Variants in NSMCE2 observed in about 807,000 individuals in gnomAD.
The protein encoded by NSMCE2 is E3 SUMO-protein ligase NSE2.
Under a neutral mutation model 23.8 loss-of-function variants are expected in NSMCE2, and 24 were observed. The ratio of observed to expected loss-of-function variants is 1.01; its 90% CI spans 0.73 to 1.42. NSMCE2 has a LOEUF of 1.42. NSMCE2 is among the 40% of genes most tolerant of loss of function. The probability of loss-of-function intolerance (pLI) is 0.00; values close to 1 mark genes in which losing one functional copy is unlikely to be tolerated. For synonymous variants in NSMCE2, 92 were observed against 94.1 expected (o/e 0.98, Z 0.13); for missense variants, 284 against 296.5 (o/e 0.96, Z 0.31).
intron 5 of NSMCE2, among the ~76,000 whole-genome samples, chr8:125,280,933 C>G (rs1827665620): frequency 6.6e-6 from 1 of 152,226 alleles, no homozygotes; most frequent in African/African-American, 2.4e-5. Context: ...TCCCTGCCTG[C>G]TGCCCTACAA....
chr8:125,096,266 G>A (rs1024505614), intron 1 of NSMCE2, among the ~76,000 whole-genome samples: 18 of 152,176 alleles, frequency 1.2e-4, no homozygotes, highest in African/African-American at 3.6e-4. Context: ...AAGGAAGGCT[G>A]GAAAATGTGG....
At chr8:125,093,697 T>C (rs1005529593) in intron 1 of NSMCE2, among the ~76,000 whole-genome samples, 3 of 152,070 alleles carry the variant, frequency 2.0e-5, no homozygotes, top group Admixed American at 1.3e-4. Flanking sequence ...CACTCCAGTT[T>C]GGGCGACAGA....
At chr8:125,119,561 A>G (rs1819172686) in intron 3 of NSMCE2, among the ~76,000 whole-genome samples, 1 of 152,220 alleles carries the variant, frequency 6.6e-6, no homozygotes, top group Non-Finnish European at 1.5e-5. Context: ...ACTCAATCAG[A>G]TTAAAATTAG....
intron 5 of NSMCE2, among the ~76,000 whole-genome samples, chr8:125,229,815 T>C (rs1294837510): frequency 6.6e-6 from 1 of 152,178 alleles, no homozygotes; most frequent in Non-Finnish European, 1.5e-5. Flanking sequence ...TGATGACTTA[T>C]CATTTGATAA....
At chr8:125,245,533 G>A (rs1825923584) in intron 5 of NSMCE2, among the ~76,000 whole-genome samples, 1 of 151,950 alleles carries the variant, frequency 6.6e-6, no homozygotes, top group Non-Finnish European at 1.5e-5. Context: ...CAAAATTAGA[G>A]GAAAATTGTT....
intron 5 of NSMCE2, among the ~76,000 whole-genome samples, chr8:125,189,695 C>A (rs995341527): frequency 5.3e-5 from 8 of 152,110 alleles, no homozygotes; most frequent in Admixed American, 5.2e-4. Flanking sequence ...CAAAAATTAG[C>A]ATTTATAGGG....
intron 3 of NSMCE2, among the ~76,000 whole-genome samples, chr8:125,114,288 C>G (rs1254754846): frequency 6.6e-6 from 1 of 152,144 alleles, no homozygotes; most frequent in Non-Finnish European, 1.5e-5. Flanking sequence ...AATGTATGCT[C>G]TGTGACAGCA....
intron 5 of NSMCE2, among the ~76,000 whole-genome samples, chr8:125,298,072 C>A (rs1828397804): frequency 6.6e-6 from 1 of 152,046 alleles, no homozygotes; most frequent in South Asian, 2.1e-4. Flanking sequence ...ACCAGCCTGG[C>A]CAACATGGTG....
intron 5 of NSMCE2, among the ~76,000 whole-genome samples, chr8:125,211,221 C>A (rs901973895): frequency 1.3e-5 from 2 of 152,142 alleles, no homozygotes; most frequent in African/African-American, 4.8e-5. Context: ...GCACATAGTA[C>A]AAACTTCACA....
intron 5 of NSMCE2, among the ~76,000 whole-genome samples, chr8:125,297,574 T>C (rs1290787459): frequency 2.0e-5 from 3 of 151,598 alleles, no homozygotes; most frequent in Non-Finnish European, 4.4e-5. Context: ...ACTTAGGCTG[T>C]AATCCCAGTA....
intron 5 of NSMCE2, among the ~76,000 whole-genome samples, chr8:125,286,585 T>C (rs111470319): frequency 0.11 from 16,919 of 152,116 alleles, 1,097 homozygotes; most frequent in South Asian, 0.18. Context: ...AGTGCTGGGA[T>C]TACAGGCATG....
intron 5 of NSMCE2, among the ~76,000 whole-genome samples, chr8:125,300,983 C>T (rs565939325): frequency 6.6e-6 from 1 of 152,230 alleles, no homozygotes; most frequent in Non-Finnish European, 1.5e-5. Flanking sequence ...GTCTGACTCA[C>T]TGACGTTCCA....
intron 5 of NSMCE2, among the ~76,000 whole-genome samples, chr8:125,234,462 G>C (rs947224669): frequency 6.6e-6 from 1 of 152,098 alleles, no homozygotes; most frequent in Non-Finnish European, 1.5e-5. Context: ...TTCTTGCTCT[G>C]AATCTTTCTT....
At chr8:125,229,979 ATTTAG>A (rs1825254370) in intron 5 of NSMCE2, among the ~76,000 whole-genome samples, 2 of 152,320 alleles carry the variant, frequency 1.3e-5, no homozygotes, top group South Asian at 4.1e-4. Context: ...ATCTGTAAAT[ATTTAG>A]TTGAGAATCA....
chr8:125,107,273 G>A (rs553194774), intron 3 of NSMCE2, among the ~76,000 whole-genome samples: 13 of 139,844 alleles, frequency 9.3e-5, no homozygotes, highest in African/African-American at 3.6e-4. Flanking sequence ...TGCAACCTCC[G>A]CCTCTTGGGT....
chr8:125,215,513 G>T (rs112824993), intron 5 of NSMCE2, among the ~76,000 whole-genome samples: 9,493 of 151,608 alleles, frequency 0.063, 404 homozygotes, highest in South Asian at 0.15. Flanking sequence ...CGTGTGCATG[G>T]GTCTTTATAG....
intron 5 of NSMCE2, among the ~76,000 whole-genome samples, chr8:125,242,066 T>G (rs1235524693): frequency 6.6e-6 from 1 of 152,108 alleles, no homozygotes; most frequent in African/African-American, 2.4e-5. Context: ...TGAGAATCAC[T>G]GTGTCTAATG....
chr8:125,250,233 G>A (rs1414734473), intron 5 of NSMCE2, among the ~76,000 whole-genome samples: 6 of 151,986 alleles, frequency 3.9e-5, no homozygotes, highest in South Asian at 2.1e-4. Context: ...TGGGTGATCC[G>A]CCTGCCTTGG....
At chr8:125,122,171 CCAAAAAA>C (rs1563663108) in intron 3 of NSMCE2, among the ~76,000 whole-genome samples, 2 of 86,418 alleles carry the variant, frequency 2.3e-5, no homozygotes, top group Admixed American at 1.3e-4. Context: ...TCTGGCTGAG[CCAAAAAA>C]AAAAAAAAAA....
Sources: allele counts gnomAD v4.1 joint callset (sites outside exome capture counted in the v4.1 genomes callset), GRCh38; gene constraint gnomAD v4.1.1; transcripts MANE v1.5; gene names NCBI Gene and HGNC (gene_info 2026-07-23, HGNC 2026-07-21).